CCDC178: variants seen among roughly 807,000 people sequenced by gnomAD.
CCDC178 encodes the protein coiled-coil domain-containing protein 178.
Under a neutral mutation model 117.4 loss-of-function variants are expected in CCDC178, and 126 were observed. The ratio of observed to expected loss-of-function variants is 1.07; its 90% CI spans 0.93 to 1.24. The LOEUF is 1.24. Among genes scored for constraint, CCDC178 ranks in the 50% most tolerant of loss-of-function variants. The probability of loss-of-function intolerance (pLI) is 0.00; values close to 1 mark genes in which losing one functional copy is unlikely to be tolerated. For synonymous variants in CCDC178, 283 were observed against 313.4 expected, an observed-to-expected ratio of 0.90 and a Z score of 1.02; for missense variants, 1,030 against 986.9, an observed-to-expected ratio of 1.04 and a Z score of -0.59.
intron 20 of CCDC178, among the ~76,000 whole-genome samples, chr18:33,202,306 C>T (rs750303378): frequency 7.3e-5 from 10 of 137,058 alleles, no homozygotes; most frequent in Non-Finnish European, 1.2e-4. Flanking sequence ...GCAGAAGAAT[C>T]GCTTGAGCCC....
chr18:33,042,579 A>T (rs2056569190), intron 21 of CCDC178, among the ~76,000 whole-genome samples: 1 of 151,976 alleles, frequency 6.6e-6, no homozygotes, highest in South Asian at 2.1e-4. Flanking sequence ...GCTGTAGAAG[A>T]CATTTGGAGG....
chr18:33,081,202 G>T (rs886623768), intron 21 of CCDC178, among the ~76,000 whole-genome samples: 3 of 152,256 alleles, frequency 2.0e-5, no homozygotes, highest in Non-Finnish European at 4.4e-5. Flanking sequence ...CCCATAGTTT[G>T]CATAGTGACT....
chr18:33,060,706 A>G (rs1243529580), intron 21 of CCDC178, among the ~76,000 whole-genome samples: 2 of 152,122 alleles, frequency 1.3e-5, no homozygotes, highest in African/African-American at 4.8e-5. Flanking sequence ...CTCATAATAT[A>G]AAGTTTGTTC....
At chr18:32,950,533 T>C (rs1256019348) in intron 22 of CCDC178, among the ~76,000 whole-genome samples, 2 of 152,154 alleles carry the variant, frequency 1.3e-5, no homozygotes, top group Non-Finnish European at 2.9e-5. Context: ...GATGTCTCAT[T>C]CGATTTCGTT....
At chr18:33,239,561 T>A (rs1386260035) in intron 15 of CCDC178, among the ~76,000 whole-genome samples, 2 of 148,866 alleles carry the variant, frequency 1.3e-5, no homozygotes, top group Non-Finnish European at 3.0e-5. Context: ...AGAATAGCTG[T>A]ACTTATATCA....
intron 14 of CCDC178, among the ~76,000 whole-genome samples, chr18:33,264,463 T>G (rs560554340): frequency 2.0e-5 from 3 of 152,214 alleles, no homozygotes; most frequent in Admixed American, 6.6e-5. Context: ...TTATTAATTC[T>G]CTGTTCAGCA....
chr18:33,105,288 C>T (rs1015804428), intron 20 of CCDC178, among the ~76,000 whole-genome samples: 2 of 151,562 alleles, frequency 1.3e-5, no homozygotes, highest in African/African-American at 4.8e-5. Flanking sequence ...CTGCAATCAC[C>T]ATGTTTTATT....
At chr18:33,317,987 A>G (rs568682836) in intron 11 of CCDC178, among the ~76,000 whole-genome samples, 1 of 152,236 alleles carries the variant, frequency 6.6e-6, no homozygotes, top group South Asian at 2.1e-4. Flanking sequence ...GCCAATCCTC[A>G]TGAAACAACC....
intron 12 of CCDC178, among the ~76,000 whole-genome samples, chr18:33,283,648 G>T (rs2060052482): frequency 6.6e-6 from 1 of 151,836 alleles, no homozygotes; most frequent in South Asian, 2.1e-4. Flanking sequence ...CTAAGCATAT[G>T]AAAAAAAAGC....
chr18:33,109,538 G>A (rs1293350175), intron 20 of CCDC178, among the ~76,000 whole-genome samples: 1 of 151,184 alleles, frequency 6.6e-6, no homozygotes, highest in Non-Finnish European at 1.5e-5. Flanking sequence ...GTCGTTATAG[G>A]GATTAATACA....
chr18:33,308,746 C>T (rs577529585), intron 11 of CCDC178, among the ~76,000 whole-genome samples: 62 of 152,226 alleles, frequency 4.1e-4, no homozygotes, highest in African/African-American at 1.4e-3. Flanking sequence ...CTCATGATAG[C>T]GAGTAAGCTC....
chr18:33,388,729 C>G (rs1032385878), intron 5 of CCDC178, among the ~76,000 whole-genome samples: 1 of 150,942 alleles, frequency 6.6e-6, no homozygotes, highest in South Asian at 2.1e-4. Context: ...CCGTTTTAGC[C>G]GGGATGGTCT....
intron 21 of CCDC178, among the ~76,000 whole-genome samples, chr18:32,984,272 T>C (rs947305712): frequency 6.8e-6 from 1 of 146,588 alleles, no homozygotes; most frequent in Non-Finnish European, 1.5e-5. Context: ...AAAACCATGG[T>C]ATGACAGAGA....
rs9961267 is a variant in CCDC178, at chr18:32,964,257, G to A, written c.2523+10290C>T. On this transcript the variant is annotated intron_variant, in intron 22 of 22. Transcript: ENST00000383096. ...TGGTTAAATGTGGCTCATTAATTTG[G>A]ATGTTTTAACTAAGCATTTGTTTTC... 8.3e-3 allele frequency among the ~76,000 whole-genome samples: 1,255 copies of A among 152,074 alleles called. 15 individuals are homozygous for A. Among genetic ancestry groups the A allele is most frequent in the African/African-American group, 0.029 (1,197 of 41,530 alleles).
intron 21 of CCDC178, among the ~76,000 whole-genome samples, chr18:33,035,012 C>A (rs992599192): frequency 1.3e-5 from 2 of 151,812 alleles, no homozygotes; most frequent in African/African-American, 2.4e-5. Flanking sequence ...ACTTAAAAGG[C>A]AGTGTGGAAC....
At chr18:33,234,741 A>T (rs2059408250) in intron 15 of CCDC178, among the ~76,000 whole-genome samples, 1 of 152,112 alleles carries the variant, frequency 6.6e-6, no homozygotes, top group East Asian at 1.9e-4. Flanking sequence ...ACTTTTACCA[A>T]CCTTTATTAA....
chr18:32,940,204 T>C (rs2054206676), intron 22 of CCDC178, among the ~76,000 whole-genome samples: 1 of 152,062 alleles, frequency 6.6e-6, no homozygotes, highest in South Asian at 2.1e-4. Context: ...AAGCCCTGTA[T>C]AAATTATACA....
chr18:32,970,662 A>G (rs1004006004), intron 22 of CCDC178, among the ~76,000 whole-genome samples: 18 of 152,074 alleles, frequency 1.2e-4, no homozygotes, highest in African/African-American at 4.3e-4. Flanking sequence ...CTTTAAAACA[A>G]TTGGATATAA....
At chr18:33,382,373 C>T (rs1392887037) in intron 5 of CCDC178, among the ~76,000 whole-genome samples, 1 of 152,164 alleles carries the variant, frequency 6.6e-6, no homozygotes, top group Admixed American at 6.5e-5. Flanking sequence ...AAAAAGTACG[C>T]ATCCAATTGA....
Sources: gnomAD v4.1 joint callset for allele counts (sites outside exome capture counted in the v4.1 genomes callset) on GRCh38, gnomAD v4.1.1 for gene constraint, MANE v1.5 for transcripts, NCBI Gene and HGNC (gene_info 2026-07-23, HGNC 2026-07-21) for gene names.